CFAP74: variants seen among roughly 807,000 people sequenced by gnomAD.
CFAP74 encodes cilia and flagella associated protein 74.
A neutral mutation model predicts 188.9 loss-of-function variants in CFAP74; 124 were observed. That is an observed-to-expected ratio of 0.66 (90% CI 0.57 to 0.76). The LOEUF (loss-of-function observed/expected upper bound fraction) is 0.76, where lower values mean the gene tolerates loss of function less well. CFAP74 is among the 30% of genes least tolerant of loss of function. The pLI, the probability that CFAP74 is intolerant of heterozygous loss-of-function variation, is 0.00. For synonymous variants in CFAP74, 956 were observed against 916.7 expected (o/e 1.04, Z -0.77); for missense variants, 2,198 against 2,165.2 (o/e 1.02, Z -0.30).
At chr1:1,954,948 C>T (rs1654448664) in intron 18 of CFAP74, 2 of 1,195,798 alleles carry the variant, frequency 1.7e-6, no homozygotes, top group Admixed American at 3.8e-5. Flanking sequence ...CCCAAGTGTG[C>T]ACTGGCAGAA....
At chr1:1,985,027 C>T (rs554871792) in intron 6 of CFAP74, 4 of 204,316 alleles carry the variant, frequency 2.0e-5, no homozygotes, top group East Asian at 1.1e-4. Flanking sequence ...GAAGGCAACT[C>T]GACGCATCCA....
rs1193689674 is a variant in CFAP74, at chr1:1,946,537, T to C, written c.2242-98A>G. ...GGCATGTTGCTGCAAGGATGGAAGG[T>C]GGCAGGACCCGTGTCCCTGGGTGGC... On this transcript the variant is annotated intron_variant, in intron 19 of 38. Coordinates refer to ENST00000682832, the MANE Select transcript of CFAP74 (RefSeq NM_001304360.2). The C allele has an allele frequency of 2.8e-6, 4 of 1,411,576 alleles. No individual in the cohort carries two copies. In the East Asian group the frequency reaches 1.0e-4, roughly 36 times the overall value. The allele number at this position is 1,411,576 out of a possible 1,614,324, so 87.4% of individuals were successfully genotyped here.
Position 1,971,979 on chromosome 1 carries a change from C to G in CFAP74, c.888+1G>C. The G allele has an allele frequency of 1.9e-6, 3 of 1,607,790 alleles. No homozygotes were observed. Among genetic ancestry groups the G allele is most frequent in the Non-Finnish European group, 2.5e-6 (3 of 1,179,148 alleles). Reference sequence around the variant, plus strand: ...GGCTGGGTGGGGCTGCGGGGGCCTACCCGGTTCGCGGAGATGCTGCCCTTC... The same window carrying G: ...GGCTGGGTGGGGCTGCGGGGGCCTAGCCGGTTCGCGGAGATGCTGCCCTTC... On this transcript the variant is annotated splice_donor_variant, in intron 9 of 38. Coordinates refer to ENST00000682832, the MANE Select transcript of CFAP74 (RefSeq NM_001304360.2). LOFTEE classifies it high-confidence loss of function.
rs747045986 is a variant in CFAP74, at chr1:1,926,645, G to A, written c.3772+7C>T. ...GGTGGAGGTGTGGGCGGGGCTTAGC[G>A]TCTCACCCACAGCGACGTCGCCGAA... is the stretch of plus-strand genomic sequence containing the variant. On this transcript the variant is annotated splice_region_variant and intron_variant, in intron 30 of 38. Transcript: ENST00000682832. 3.6e-5 allele frequency: 55 copies of A among 1,548,898 alleles called. No individual in the cohort carries two copies. The highest frequency in any genetic ancestry group is 2.2e-4 in the African/African-American group (16 of 73,122).
At chr1:1,937,925 C>T (rs1653013698) in intron 25 of CFAP74, among the ~76,000 whole-genome samples, 1 of 148,564 alleles carries the variant, frequency 6.7e-6, no homozygotes, top group South Asian at 2.2e-4. Context: ...CACACATGCA[C>T]ACACACAGTC....
chr1:1,933,733 T>G (rs1652599699), intron 25 of CFAP74, among the ~76,000 whole-genome samples: 1 of 152,216 alleles, frequency 6.6e-6, no homozygotes, highest in African/African-American at 2.4e-5. Context: ...AGAAAGACTT[T>G]TAGTTTGTTG....
chr1:1,958,721 G>A (rs114834811), intron 16 of CFAP74, among the ~76,000 whole-genome samples: 11 of 152,306 alleles, frequency 7.2e-5, no homozygotes, highest in African/African-American at 2.6e-4. Flanking sequence ...TGCGGGGTCC[G>A]GGTTGCAGCG....
At chr1:1,940,874 A>T (rs1456838736) in intron 22 of CFAP74, among the ~76,000 whole-genome samples, 1 of 152,214 alleles carries the variant, frequency 6.6e-6, no homozygotes, top group Non-Finnish European at 1.5e-5. Context: ...GCACTTTGGG[A>T]GGCTGAGGCG....
At position 1,947,248 on chromosome 1, in the gene CFAP74, G is replaced by A. The variant is rs141107824; in HGVS notation, c.2177-194C>T. Among the ~76,000 whole-genome samples the A allele has an allele frequency of 2.8e-4, 43 of 152,340 alleles. No homozygotes were observed. The East Asian group carries it at 7.3e-3, about 26-fold the overall frequency. On this transcript the variant is annotated intron_variant, in intron 18 of 38. Coordinates refer to ENST00000682832, the MANE Select transcript of CFAP74 (RefSeq NM_001304360.2). ...GGTGCAGCCAGTCCCCACCGTGCCCGGAGGGCTTTGGAAGCCCTTTCCCAA... is the reference window on the plus strand; with the variant it reads ...GGTGCAGCCAGTCCCCACCGTGCCCAGAGGGCTTTGGAAGCCCTTTCCCAA...
chr1:1,993,577 T>A (rs1406101424), intron 1 of CFAP74, among the ~76,000 whole-genome samples: 1 of 150,894 alleles, frequency 6.6e-6, no homozygotes, highest in African/African-American at 2.4e-5. Flanking sequence ...TGAGCCACCG[T>A]GCCCGGCCGG....
At chr1:1,955,237 A>G in intron 18 of CFAP74, 1 of 1,290,392 alleles carries the variant, frequency 7.7e-7, no homozygotes, top group Non-Finnish European at 1.0e-6. Context: ...AGGAGACGCA[A>G]GCGATTCCCG....
rs537445643 is a variant in CFAP74 at position 1,955,004 on chromosome 1, G to A, written c.2176+687C>T. ...GCTCTCTCAGGAAAGGAAACGCCAC[G>A]CAGTGGTGAGGACAGGAAGTGCGGC... is the stretch of plus-strand genomic sequence containing the variant. On this transcript the variant is annotated intron_variant, in intron 18 of 38. Coordinates refer to ENST00000682832, the MANE Select transcript of CFAP74 (RefSeq NM_001304360.2). The A allele has an allele frequency of 2.1e-5, 24 of 1,125,072 alleles. No individual in the cohort carries two copies. In the Admixed American group the frequency reaches 5.3e-4, roughly 25 times the overall value. 69.7% of individuals were successfully genotyped at this position (1,125,072 alleles called of 1,614,324 possible). A position where few individuals can be genotyped will look rare whatever the true frequency, so the allele number is the denominator to read the frequency against.
intron 15 of CFAP74, 117 bp from the exon 16 acceptor site, chr1:1,959,326 G>C (rs574151488): frequency 3.0e-6 from 2 of 665,080 alleles, no homozygotes; most frequent in East Asian, 5.5e-5. Context: ...GCACCTGCTC[G>C]ATTCACTGCA....
Position 1,925,943 on chromosome 1 carries a change from A to C in CFAP74, c.3949-5T>G. 1 of 1,600,106 alleles carries C rather than the reference A, an allele frequency of 6.2e-7. No individual in the cohort carries two copies. The highest frequency in any genetic ancestry group is 8.5e-7 in the Non-Finnish European group (1 of 1,173,700). Reference sequence around the variant, plus strand: ...GATGTCCAGTGTTTCTTGAGCCTAAAGAGACCACATCGCTCAGCCAGGAAC... The same window carrying C: ...GATGTCCAGTGTTTCTTGAGCCTAACGAGACCACATCGCTCAGCCAGGAAC... On this transcript the variant is annotated splice_polypyrimidine_tract_variant and splice_region_variant and intron_variant, in intron 32 of 38. Coordinates refer to ENST00000682832, the MANE Select transcript of CFAP74 (RefSeq NM_001304360.2).
In CFAP74 at chr1:1,923,196, G is replaced by A; in HGVS notation, c.4523-51C>T. On this transcript the variant is annotated intron_variant, in intron 36 of 38. Coordinates refer to ENST00000682832, the MANE Select transcript of CFAP74 (RefSeq NM_001304360.2). The surrounding 1 kb of genome is among the most constrained non-coding windows in gnomAD (Gnocchi z 6.3). ...GTTCAGGGTCAGGCTGAGGCATGGG[G>A]TGAGGCTGCAGCTGGACTCCTGAAC... 6.4e-7 allele frequency: 1 copy of A among 1,552,012 alleles called. No individual in the cohort carries two copies. The highest frequency in any genetic ancestry group is 8.7e-7 in the Non-Finnish European group (1 of 1,150,478).
intron 29 of CFAP74, 47 bp downstream of exon 29, chr1:1,926,847 C>A (rs1190274144): frequency 1.0e-5 from 16 of 1,549,208 alleles, no homozygotes; most frequent in Middle Eastern, 1.7e-4. Flanking sequence ...AGAGGGACAG[C>A]GCGTTTGCGG....
At chr1:1,995,431 G>T (rs1360796966) in intron 1 of CFAP74, among the ~76,000 whole-genome samples, 4 of 151,652 alleles carry the variant, frequency 2.6e-5, no homozygotes, top group Non-Finnish European at 5.9e-5. Context: ...GGCGGAGGTT[G>T]CAGTGAGCTG....
intron 14 of CFAP74, among the ~76,000 whole-genome samples, chr1:1,963,442 G>C (rs1362052303): frequency 9.7e-6 from 1 of 102,844 alleles, no homozygotes; most frequent in African/African-American, 4.0e-5. Flanking sequence ...GGGCGACAGA[G>C]CAAGACTCCA....
intron 1 of CFAP74, among the ~76,000 whole-genome samples, chr1:1,994,264 G>A (rs1355014083): frequency 6.7e-6 from 1 of 149,834 alleles, no homozygotes; most frequent in Non-Finnish European, 1.5e-5. Context: ...ATTTTGCATT[G>A]AAATAATGAG....
Sources: allele counts gnomAD v4.1 joint callset (sites outside exome capture counted in the v4.1 genomes callset), GRCh38; gene constraint gnomAD v4.1.1; non-coding constraint Gnocchi (gnomAD v3.1); transcripts MANE v1.5; gene names NCBI Gene and HGNC (gene_info 2026-07-23, HGNC 2026-07-21).